USH2A: variants seen among roughly 807,000 people sequenced by gnomAD.
USH2A encodes the protein usherin.
USH2A carries 443 observed loss-of-function variants against 538.9 expected under a neutral mutation model. The ratio of observed to expected loss-of-function variants is 0.82; its 90% CI spans 0.76 to 0.89. The LOEUF is 0.89. USH2A is among the 40% of genes least tolerant of loss of function. USH2A has a pLI of 0.00. For missense variants in USH2A, 6,633 were observed against 6,324.8 expected, an observed-to-expected ratio of 1.05 and a Z score of -1.65; for synonymous variants, 2,413 against 2,273.5, an observed-to-expected ratio of 1.06 and a Z score of -1.75.
chr1:216,112,611 G>A (rs1285976745), intron 21 of USH2A, among the ~76,000 whole-genome samples: 1 of 151,886 alleles, frequency 6.6e-6, no homozygotes, highest in Non-Finnish European at 1.5e-5. Context: ...TCTCCCTTCT[G>A]CCTCCCTTCA....
At chr1:215,715,805 G>GA (rs1266560607) in intron 61 of USH2A, among the ~76,000 whole-genome samples, 1 of 152,178 alleles carries the variant, frequency 6.6e-6, no homozygotes, top group African/African-American at 2.4e-5. Context: ...AAGCGCGGCA[G>GA]AAGGACATCA....
At chr1:215,906,267 C>A (rs1002261771) in intron 38 of USH2A, among the ~76,000 whole-genome samples, 6 of 152,022 alleles carry the variant, frequency 3.9e-5, no homozygotes, top group Non-Finnish European at 7.4e-5. Context: ...CCAGAGCGAA[C>A]TTTTTGAAAG....
chr1:216,032,119 A>G (rs1314827943), intron 32 of USH2A, among the ~76,000 whole-genome samples: 1 of 152,200 alleles, frequency 6.6e-6, no homozygotes, highest in Non-Finnish European at 1.5e-5. Context: ...AATAACTTCT[A>G]ACCTCTGAGG....
intron 61 of USH2A, among the ~76,000 whole-genome samples, chr1:215,717,419 T>C (rs769208448): frequency 6.6e-6 from 1 of 152,204 alleles, no homozygotes; most frequent in Non-Finnish European, 1.5e-5. Flanking sequence ...TGTGGTTCCA[T>C]AGAATGAGTG....
intron 15 of USH2A, among the ~76,000 whole-genome samples, chr1:216,214,526 A>G (rs527423672): frequency 9.2e-5 from 14 of 152,096 alleles, no homozygotes; most frequent in African/African-American, 3.4e-4. Context: ...CCCTATAACT[A>G]GTTGTTTGGG....
At chr1:216,050,560 T>TCTTTCTTCC (rs2030717766) in intron 30 of USH2A, among the ~76,000 whole-genome samples, 8 of 35,698 alleles carry the variant, frequency 2.2e-4, no homozygotes, top group African/African-American at 5.9e-4. Flanking sequence ...ATTTGTATCT[T>TCTTTCTTCC]TTTCTTTCTT....
intron 21 of USH2A, among the ~76,000 whole-genome samples, chr1:216,137,296 AAG>A (rs2033505250): frequency 6.6e-6 from 1 of 152,132 alleles, no homozygotes; most frequent in Non-Finnish European, 1.5e-5. Flanking sequence ...TGGGAATAAA[AAG>A]AGATTTAATT....
chr1:215,960,230 T>C (rs551177260), intron 37 of USH2A, among the ~76,000 whole-genome samples: 7 of 152,128 alleles, frequency 4.6e-5, no homozygotes, highest in Admixed American at 6.6e-5. Flanking sequence ...CATGGCACAA[T>C]ACTTTCATCT....
At chr1:215,816,465 T>G (rs761043179) in intron 48 of USH2A, among the ~76,000 whole-genome samples, 5 of 152,088 alleles carry the variant, frequency 3.3e-5, no homozygotes, top group Non-Finnish European at 7.4e-5. Flanking sequence ...TGTTGCCAAA[T>G]AGGAACATTA....
At chr1:215,811,118 G>A (rs1251067406) in intron 49 of USH2A, among the ~76,000 whole-genome samples, 1 of 152,172 alleles carries the variant, frequency 6.6e-6, no homozygotes, top group Non-Finnish European at 1.5e-5. Flanking sequence ...CTTGCTTCTA[G>A]CCTACAAGCT....
At chr1:216,130,337 A>C (rs1571985158) in intron 21 of USH2A, among the ~76,000 whole-genome samples, 1 of 151,656 alleles carries the variant, frequency 6.6e-6, no homozygotes, top group Admixed American at 6.6e-5. Flanking sequence ...GAGTCACCAA[A>C]GTCCATTGTG....
At chr1:215,852,247 A>G (rs1206832982) in intron 44 of USH2A, among the ~76,000 whole-genome samples, 1 of 152,192 alleles carries the variant, frequency 6.6e-6, no homozygotes, top group African/African-American at 2.4e-5. Flanking sequence ...CACATCTCAC[A>G]TGGTGGCAGA....
At chr1:215,667,292 G>T (rs1259288664) in intron 64 of USH2A, among the ~76,000 whole-genome samples, 11 of 152,174 alleles carry the variant, frequency 7.2e-5, no homozygotes, top group Admixed American at 7.2e-4. Flanking sequence ...AAAGGAGCTA[G>T]TTATCAAGCT....
At chr1:216,401,119 G>T (rs116749763) in intron 3 of USH2A, among the ~76,000 whole-genome samples, 1 of 152,048 alleles carries the variant, frequency 6.6e-6, no homozygotes, top group African/African-American at 2.4e-5. Context: ...GATGCTCACT[G>T]TATGTAGGGG....
rs956255502 is a variant in USH2A, at chr1:215,695,036, G to A, written c.12067-14660C>T. 4.6e-5 allele frequency among the ~76,000 whole-genome samples: 7 copies of A among 152,314 alleles called. 1 individual carries two copies. The highest frequency in any genetic ancestry group is 3.3e-4 in the Admixed American group (5 of 15,288). On this transcript the variant is annotated intron_variant, in intron 61 of 71. Transcript: ENST00000307340. Reference sequence around the variant, plus strand: ...AGGAAATAAAAAGAGCTATGCAGCAGAGATTATTATAATTTACCAAATATT... The same window carrying A: ...AGGAAATAAAAAGAGCTATGCAGCAAAGATTATTATAATTTACCAAATATT...
rs1229186476 is a variant in USH2A, at chr1:215,975,181, G to C, written c.6806-4405C>G. On this transcript the variant is annotated intron_variant, in intron 35 of 71. Coordinates refer to ENST00000307340, the MANE Select transcript of USH2A (RefSeq NM_206933.4). ...TACCCACTTTTTAATGAGGTTATTT[G>C]TTTTTTACTTGTTGATTTAAGTTTC... Among the ~76,000 whole-genome samples, 4 of 151,944 alleles carry C rather than the reference G, an allele frequency of 2.6e-5. No individual in the cohort carries two copies. In the East Asian group the frequency reaches 7.7e-4, roughly 29 times the overall value.
intron 37 of USH2A, among the ~76,000 whole-genome samples, chr1:215,951,042 T>C (rs1014643397): frequency 1.3e-5 from 2 of 152,214 alleles, no homozygotes; most frequent in Non-Finnish European, 2.9e-5. Context: ...GTTTTTTGTG[T>C]CTCTATGTCT....
chr1:216,064,292 G>C (rs562882220), intron 30 of USH2A, among the ~76,000 whole-genome samples: 2 of 152,232 alleles, frequency 1.3e-5, no homozygotes, highest in African/African-American at 4.8e-5. Flanking sequence ...CTCAAGGTAG[G>C]AATCAGCCCT....
chr1:216,221,858 T>C (rs2035462982), intron 14 of USH2A, among the ~76,000 whole-genome samples: 1 of 152,226 alleles, frequency 6.6e-6, no homozygotes, highest in East Asian at 1.9e-4. Context: ...TTATTCTCTA[T>C]GGTCTCAGAA....
Sources: gnomAD v4.1 joint callset for allele counts (sites outside exome capture counted in the v4.1 genomes callset) on GRCh38, gnomAD v4.1.1 for gene constraint, MANE v1.5 for transcripts, NCBI Gene and HGNC (gene_info 2026-07-23, HGNC 2026-07-21) for gene names.